The following MBP variants were observed in gnomAD, a reference collection of about 807,000 sequenced individuals.
MBP encodes the protein Golli-MBP.
MBP carries 16 observed loss-of-function variants against 35.8 expected under a neutral mutation model. The ratio of observed to expected loss-of-function variants is 0.45; its 90% CI spans 0.30 to 0.68. MBP has a LOEUF of 0.68. Ranked by LOEUF, MBP falls within the 30% of genes least tolerant of loss-of-function variation. The pLI is 0.08. For missense variants in MBP, 380 were observed against 404.7 expected, an observed-to-expected ratio of 0.94 and a Z score of 0.52; for synonymous variants, 143 against 159.6, an observed-to-expected ratio of 0.90 and a Z score of 0.78.
chr18:77,111,218 T>C (rs1438623143), intron 1 of MBP, among the ~76,000 whole-genome samples: 1 of 152,154 alleles, frequency 6.6e-6, no homozygotes, highest in Non-Finnish European at 1.5e-5. Context: ...AGGAGCCCAG[T>C]GCTCATGGGC....
At chr18:77,093,857 A>G (rs958319860) in intron 2 of MBP, among the ~76,000 whole-genome samples, 9 of 152,264 alleles carry the variant, frequency 5.9e-5, no homozygotes, top group Non-Finnish European at 1.2e-4. Context: ...ACACAGTTTC[A>G]TAAAACCACA....
intron 4 of MBP, among the ~76,000 whole-genome samples, chr18:76,998,534 G>C (rs1229231687): frequency 1.3e-5 from 1 of 79,750 alleles, no homozygotes; most frequent in East Asian, 2.3e-4. Flanking sequence ...CCATGCCCTC[G>C]GGTGACTCGC....
chr18:77,038,812 G>A (rs1169364690), intron 3 of MBP, among the ~76,000 whole-genome samples: 1 of 152,146 alleles, frequency 6.6e-6, no homozygotes, highest in South Asian at 2.1e-4. Flanking sequence ...AGCTTTTTAT[G>A]TAATATTTTA....
chr18:77,126,076 A>C (rs1222621261), intron 1 of MBP, among the ~76,000 whole-genome samples: 1 of 152,198 alleles, frequency 6.6e-6, no homozygotes, highest in Non-Finnish European at 1.5e-5. Flanking sequence ...TCATTTTATG[A>C]GGCCAGTTAT....
At chr18:77,099,564 A>C (rs566179023) in intron 2 of MBP, among the ~76,000 whole-genome samples, 1 of 152,306 alleles carries the variant, frequency 6.6e-6, no homozygotes, top group African/African-American at 2.4e-5. Context: ...CCACGCAAGG[A>C]TCGTTTCTGC....
chr18:77,029,467 A>AGGGGGAGG, intron 3 of MBP, among the ~76,000 whole-genome samples: 1 of 103,360 alleles, frequency 9.7e-6, no homozygotes, highest in Non-Finnish European at 1.9e-5. Flanking sequence ...GGAGGGGGAG[A>AGGGGGAGG]GGGACCCCAG....
intron 7 of MBP, chr18:76,985,352 C>A: frequency 1.6e-6 from 2 of 1,280,794 alleles, no homozygotes; most frequent in South Asian, 2.5e-5. Context: ...CGGCCTGCGC[C>A]TTTGCTGGGG....
chr18:76,996,707 G>T (rs1450498112), intron 4 of MBP, among the ~76,000 whole-genome samples: 2 of 152,104 alleles, frequency 1.3e-5, no homozygotes, highest in Non-Finnish European at 2.9e-5. Context: ...GGGGGGCAGG[G>T]AGTGGAGGGA....
chr18:77,066,538 A>C, intron 2 of MBP, 153 bp from the exon 3 acceptor site: 1 of 773,598 alleles, frequency 1.3e-6, no homozygotes, highest in Middle Eastern at 2.3e-4. Context: ...GGTTCAGAGG[A>C]GGGTTTTCTG....
rs1292525541 is a variant in MBP at position 77,020,006 on chromosome 18, C to T, written c.140-2738G>A. Among the ~76,000 whole-genome samples the T allele has an allele frequency of 6.6e-6, 1 of 152,080 alleles. No individual in the cohort carries two copies. Among genetic ancestry groups the T allele is most frequent in the Non-Finnish European group, 1.5e-5 (1 of 68,006 alleles). On this transcript the variant is annotated intron_variant, in intron 3 of 8. Transcript: ENST00000355994. This position sits in a 1 kb window ranked among gnomAD's most constrained non-coding sequence, Gnocchi z 4.1. ...AGCAGGGGTATCACAGCCTTGATGG[C>T]TGTGAACAGACTGTGGAAAGGGCAG...
chr18:77,127,632 A>T (rs952347927), intron 1 of MBP: 1 of 152,250 alleles, frequency 6.6e-6, no homozygotes, highest in African/African-American at 2.4e-5. Flanking sequence ...ATAATCACCG[A>T]GTGGTAAGGC....
intron 4 of MBP, among the ~76,000 whole-genome samples, chr18:76,991,538 A>T (rs1969917596): frequency 6.6e-6 from 1 of 152,162 alleles, no homozygotes; most frequent in African/African-American, 2.4e-5. Flanking sequence ...ACCAGGCAAG[A>T]GGGCTGATTG....
chr18:76,985,005 G>C (rs982935972), intron 7 of MBP, 111 bp from the exon 8 acceptor site: 2 of 1,545,034 alleles, frequency 1.3e-6, no homozygotes, highest in Middle Eastern at 2.3e-4. Flanking sequence ...CCCCGGACTG[G>C]ACTGGTGAGT....
intron 8 of MBP, 74 bp from the exon 9 acceptor site, chr18:76,980,545 G>T: frequency 1.7e-6 from 2 of 1,167,692 alleles, no homozygotes; most frequent in Non-Finnish European, 2.6e-6. Flanking sequence ...CTCTTCTGTG[G>T]TCCCGGGTGG....
intron 3 of MBP, among the ~76,000 whole-genome samples, chr18:77,024,893 C>T (rs1462631795): frequency 1.3e-5 from 2 of 152,240 alleles, no homozygotes; most frequent in Non-Finnish European, 2.9e-5. Flanking sequence ...TCCGCAGCAG[C>T]ACACTGACCT....
rs74880871 is a variant in MBP, at chr18:77,101,670, A to G, written c.51+3541T>C. On this transcript the variant is annotated intron_variant, in intron 2 of 8. Coordinates refer to ENST00000355994, the MANE Select transcript of MBP (RefSeq NM_001025101.2). The surrounding 1 kb of genome is among the most constrained non-coding windows in gnomAD (Gnocchi z 4.3). ...TCCAGAAAAGTGTCTTTTTTTCACC[A>G]ATCAGAGACATTCCACAGTTAACCC... 0.022 allele frequency among the ~76,000 whole-genome samples: 3,281 copies of G among 151,958 alleles called. 137 individuals are homozygous for G. The highest frequency in any genetic ancestry group is 0.074 in the African/African-American group (3,089 of 41,520).
chr18:77,116,181 C>T (rs1976654023), intron 1 of MBP, among the ~76,000 whole-genome samples: 1 of 151,994 alleles, frequency 6.6e-6, no homozygotes, highest in African/African-American at 2.4e-5. Context: ...GGGCAACTGC[C>T]TTTCAGAACC....
chr18:77,010,055 G>T (rs189516174), intron 4 of MBP: 3 of 658,256 alleles, frequency 4.6e-6, no homozygotes, highest in Admixed American at 4.8e-5. Context: ...GTGAGCGGGG[G>T]GTGGAGGATG....
chr18:76,979,892 A>G lies in MBP; in HGVS notation c.*535T>C, dbSNP rs535332130. On this transcript the variant is annotated 3_prime_UTR_variant, in exon 9 of 9. Coordinates refer to ENST00000355994, the MANE Select transcript of MBP (RefSeq NM_001025101.2). ...ATACCAAAAGCTCCCACATGTAGTA[A>G]GCCACTCCTTGACTGTCTAATCCTG... The G allele has an allele frequency of 8.5e-5, 59 of 696,534 alleles. No homozygotes were observed. The highest frequency in any genetic ancestry group is 7.6e-4 in the Admixed American group (37 of 48,588). 43.1% of individuals were successfully genotyped at this position (696,534 alleles called of 1,614,324 possible).
Sources: gnomAD v4.1 joint callset for allele counts (sites outside exome capture counted in the v4.1 genomes callset) on GRCh38, gnomAD v4.1.1 for gene constraint, Gnocchi (gnomAD v3.1) non-coding constraint, MANE v1.5 for transcripts, NCBI Gene and HGNC (gene_info 2026-07-23, HGNC 2026-07-21) for gene names.